APLF: variants seen among roughly 807,000 people sequenced by gnomAD.
APLF encodes aprataxin and PNK-like factor.
A neutral mutation model predicts 55.6 loss-of-function variants in APLF; 61 were observed. The observed-to-expected ratio is 1.10, with a 90% CI of 0.89 to 1.36. The LOEUF (loss-of-function observed/expected upper bound fraction) is 1.36, where lower values mean the gene tolerates loss of function less well. Ranked by LOEUF, APLF falls within the 40% of genes most tolerant of loss-of-function variation. APLF has a pLI of 0.00. For missense variants in APLF, 611 were observed against 602.5 expected (o/e 1.01, Z -0.15); for synonymous variants, 207 against 214.8 (o/e 0.96, Z 0.32).
At chr2:68,523,550 G>A (rs546727672) in intron 5 of APLF, among the ~76,000 whole-genome samples, 1 of 151,986 alleles carries the variant, frequency 6.6e-6, no homozygotes, top group East Asian at 1.9e-4. Flanking sequence ...ATATACGCAT[G>A]CAATAGTTAA....
chr2:68,496,821 C>T (rs535171534), intron 2 of APLF, among the ~76,000 whole-genome samples: 1 of 152,314 alleles, frequency 6.6e-6, no homozygotes, highest in South Asian at 2.1e-4. Context: ...TTAGCCTGGA[C>T]GTCATTGTCC....
chr2:68,555,884 G>GA (rs1358675630), intron 8 of APLF, among the ~76,000 whole-genome samples: 10 of 152,158 alleles, frequency 6.6e-5, no homozygotes, highest in Admixed American at 6.6e-4. Flanking sequence ...GTCGTCATAT[G>GA]AAAAAGATAC....
intron 5 of APLF, among the ~76,000 whole-genome samples, chr2:68,523,191 G>C (rs1377671373): frequency 6.6e-6 from 1 of 151,876 alleles, no homozygotes; most frequent in Non-Finnish European, 1.5e-5. Flanking sequence ...ACATACTACA[G>C]AATAATAAAT....
chr2:68,499,014 T>TA (rs201129000), intron 2 of APLF, among the ~76,000 whole-genome samples: 87 of 147,710 alleles, frequency 5.9e-4, no homozygotes, highest in Non-Finnish European at 6.6e-4. Context: ...CTTATTTTGT[T>TA]AAAAAAAAAA....
chr2:68,555,625 C>A (rs1670985588), intron 8 of APLF, among the ~76,000 whole-genome samples: 1 of 151,958 alleles, frequency 6.6e-6, no homozygotes, highest in Admixed American at 6.6e-5. Flanking sequence ...AAATGCTAAT[C>A]AAAATACTAA....
At chr2:68,524,914 C>T (rs1256143541) in intron 5 of APLF, among the ~76,000 whole-genome samples, 1 of 152,106 alleles carries the variant, frequency 6.6e-6, no homozygotes, top group East Asian at 1.9e-4. Context: ...CTTAGGTTTG[C>T]CAACTGCATT....
chr2:68,500,597 A>G (rs1363723920), intron 2 of APLF, among the ~76,000 whole-genome samples: 1 of 152,186 alleles, frequency 6.6e-6, no homozygotes, highest in Non-Finnish European at 1.5e-5. Context: ...GACTCATCTG[A>G]AGTTTTAAAA....
At chr2:68,519,067 T>C (rs1283284690) in intron 5 of APLF, among the ~76,000 whole-genome samples, 2 of 114,112 alleles carry the variant, frequency 1.8e-5, no homozygotes, top group African/African-American at 3.3e-5. Context: ...AATTAATATA[T>C]AATAATAATA....
In APLF at chr2:68,487,858, G is replaced by A. The variant is rs372027179; in HGVS notation, c.97-2332G>A. 1.2e-4 allele frequency among the ~76,000 whole-genome samples: 18 copies of A among 152,222 alleles called. No homozygotes were observed. In the South Asian group the frequency reaches 3.1e-3, roughly 26 times the overall value. ...AAAGGAACACTATAAATGTCTGAGTGATGTTAATTTCAAAGATTGTTTATA... is the reference window on the plus strand; with the variant it reads ...AAAGGAACACTATAAATGTCTGAGTAATGTTAATTTCAAAGATTGTTTATA... On this transcript the variant is annotated intron_variant, in intron 1 of 9. Coordinates refer to ENST00000303795, the MANE Select transcript of APLF (RefSeq NM_173545.3).
chr2:68,570,982 G>A (rs762146790), intron 9 of APLF, among the ~76,000 whole-genome samples: 27 of 152,060 alleles, frequency 1.8e-4, no homozygotes, highest in Non-Finnish European at 2.9e-4. Flanking sequence ...TTTTATGATT[G>A]CCATTCTAAC....
At chr2:68,525,161 C>T (rs1670000044) in intron 5 of APLF, among the ~76,000 whole-genome samples, 1 of 151,900 alleles carries the variant, frequency 6.6e-6, no homozygotes, top group South Asian at 2.1e-4. Flanking sequence ...AGGCATGGAA[C>T]AGTGCACACC....
At chr2:68,527,075 C>T (rs1261852837) in intron 6 of APLF, among the ~76,000 whole-genome samples, 1 of 151,682 alleles carries the variant, frequency 6.6e-6, no homozygotes, top group Non-Finnish European at 1.5e-5. Context: ...GGTAGAGGCG[C>T]TCCTCACTTC....
At position 68,578,223 on chromosome 2, in the gene APLF, T is replaced by C; in HGVS notation, c.*201T>C. 7.6e-7 allele frequency: 1 copy of C among 1,315,808 alleles called. No individual in the cohort carries two copies. The highest frequency in any genetic ancestry group is 9.7e-7 in the Non-Finnish European group (1 of 1,031,258). 81.5% of individuals were successfully genotyped at this position (1,315,808 alleles called of 1,614,324 possible). On this transcript the variant is annotated 3_prime_UTR_variant, in exon 10 of 10. Coordinates refer to ENST00000303795, the MANE Select transcript of APLF (RefSeq NM_173545.3). ...TGGAATTTTTTGTTGCCTTGCCTTT[T>C]CTTTCCTACTTAAAGCATCTGGAAA...
At chr2:68,526,006 A>G in intron 5 of APLF, 55 bp from the exon 6 acceptor site, 2 of 1,494,612 alleles carry the variant, frequency 1.3e-6, no homozygotes, top group Non-Finnish European at 9.0e-7. Context: ...GATATGGATT[A>G]TTGACATTTG....
chr2:68,547,222 G>T (rs2104021460), intron 8 of APLF, among the ~76,000 whole-genome samples: 1 of 151,798 alleles, frequency 6.6e-6, no homozygotes, highest in East Asian at 1.9e-4. Context: ...ATGTAAAAAT[G>T]AGAAAATGTT....
At chr2:68,537,810 A>G (rs138176860) in intron 6 of APLF, 62 bp from the exon 7 acceptor site, 1 of 1,236,838 alleles carries the variant, frequency 8.1e-7, no homozygotes, top group East Asian at 2.4e-5. Context: ...TTGTGCTGTT[A>G]TGCTCATATC....
Position 68,513,605 on chromosome 2 carries a change from A to G in APLF, c.547A>G (p.Lys183Glu), listed in dbSNP as rs1390800386. The G allele has an allele frequency of 3.1e-6, 5 of 1,611,588 alleles. No individual in the cohort carries two copies. In the South Asian group the frequency reaches 4.4e-5, roughly 14 times the overall value. Residue 183 changes from lysine (K) to glutamate (E), a missense_variant, in exon 5 of 10, where the codon AAA becomes GAA. By Grantham distance (56) the Lys-to-Glu change is moderately conservative. Coordinates refer to ENST00000303795, the MANE Select transcript of APLF (RefSeq NM_173545.3). ...NKQQPILAER[K>E]RILPTWMLAE... is the part of the protein sequence containing the mutation. ...GCAGCAGCCAATCCTTGCCGAGAGG[A>G]AAAGAATCCTTCCAACTTGGATGTT...
At chr2:68,560,919 A>G (rs759484484) in intron 8 of APLF, among the ~76,000 whole-genome samples, 6 of 152,160 alleles carry the variant, frequency 3.9e-5, no homozygotes, top group Non-Finnish European at 4.4e-5. Flanking sequence ...GTTACATGCA[A>G]AAGGTATTTT....
chr2:68,565,844 G>A (rs6708116), intron 8 of APLF, among the ~76,000 whole-genome samples: 138,383 of 152,104 alleles, frequency 0.91, 63,194 homozygotes, highest in East Asian at 1. Context: ...AAATTTAATC[G>A]CCTGATTATT....
Sources: gnomAD v4.1 joint callset for allele counts (sites outside exome capture counted in the v4.1 genomes callset) on GRCh38, gnomAD v4.1.1 for gene constraint, MANE v1.5 for transcripts, NCBI Gene and HGNC (gene_info 2026-07-23, HGNC 2026-07-21) for gene names.